GRIN2A: variants seen among roughly 807,000 people sequenced by gnomAD.
GRIN2A encodes the protein glutamate ionotropic receptor NMDA type subunit 2A, also known as glutamate receptor ionotropic, NMDA 2A.
GRIN2A carries 22 observed loss-of-function variants against 113.4 expected under a neutral mutation model. The observed-to-expected ratio is 0.19, with a 90% CI of 0.14 to 0.28. The LOEUF (loss-of-function observed/expected upper bound fraction) is 0.28. GRIN2A is among the 10% of genes least tolerant of loss of function. The pLI, the probability that GRIN2A is intolerant of heterozygous loss-of-function variation, is 1.00. For missense variants in GRIN2A, 1,502 were observed against 1,887.0 expected (o/e 0.80, Z 3.78); for synonymous variants, 827 against 738.4 (o/e 1.12, Z -1.94).
chr16:9,941,256 G>A (rs533767843), intron 2 of GRIN2A, among the ~76,000 whole-genome samples: 31 of 152,170 alleles, frequency 2.0e-4, no homozygotes, highest in South Asian at 6.2e-4. Flanking sequence ...TGGAATGTGG[G>A]ATCCTCCAAC....
chr16:9,764,702 A>G lies in GRIN2A; in HGVS notation c.2842T>C (p.Ser948Pro), dbSNP rs1232959576. ...AAAATGCTCTCTTTCCCCTGAAAGG[A>G]CCTGTTGTCTGAGTACATCAAATTC... ...KGNLMYSDNR[S>P]FQGKESIFGD... is the part of the protein sequence containing the mutation. Residue 948 changes from serine (S) to proline (P), a missense_variant, in exon 13 of 13, where the codon TCC becomes CCC. Around this residue, in one of 7 missense-constraint regions of GRIN2A, gnomAD observed 832 missense variants for 789.7 expected, o/e 1.05. Transcript: ENST00000330684. 6.2e-7 allele frequency: 1 copy of G among 1,614,174 alleles called. No individual in the cohort carries two copies. The highest frequency in any genetic ancestry group is 8.5e-7 in the Non-Finnish European group (1 of 1,180,024).
Position 10,180,407 on chromosome 16 carries a change from C to A in GRIN2A, c.5G>T (p.Gly2Val). The A allele has an allele frequency of 2.5e-6, 4 of 1,605,416 alleles. No homozygotes were observed. Among genetic ancestry groups the A allele is most frequent in the Non-Finnish European group, 3.4e-6 (4 of 1,179,734 alleles). M[G>V]RVGYWTLLVL... ...CAGCAGGGTCCAATAGCCCACTCTG[C>A]CCATAGTCGCCACTGACGGTCCCTG... The change falls in exon 2 of 13, where the codon GGC (glycine) becomes GTC (valine). Residue 2 changes from glycine (G) to valine (V), a missense_variant. Gly to Val is a moderately radical substitution (Grantham distance 109). Around this residue, in one of 7 missense-constraint regions of GRIN2A, gnomAD observed 149 missense variants for 179.1 expected, o/e 0.83. Transcript: ENST00000330684. The surrounding 1 kb of genome is among the most constrained non-coding windows in gnomAD (Gnocchi z 7.0).
At chr16:9,841,145 G>T (rs1351423443) in intron 5 of GRIN2A, 41 bp from the exon 6 acceptor site, 1 of 1,526,620 alleles carries the variant, frequency 6.6e-7, no homozygotes, top group East Asian at 2.3e-5. Flanking sequence ...GTTAGCACTG[G>T]AAGGTTTGTT....
At chr16:10,015,099 CA>C (rs2046577730) in intron 2 of GRIN2A, among the ~76,000 whole-genome samples, 1 of 151,134 alleles carries the variant, frequency 6.6e-6, no homozygotes, top group Non-Finnish European at 1.5e-5. Flanking sequence ...ACTAAAAGTA[CA>C]AAAATTAGCT....
chr16:9,835,973 C>G (rs565775250), intron 7 of GRIN2A, among the ~76,000 whole-genome samples: 1 of 152,194 alleles, frequency 6.6e-6, no homozygotes. Flanking sequence ...TCCAAGAAAT[C>G]AATGAAACTG....
chr16:10,120,658 A>C (rs562578068), intron 2 of GRIN2A, among the ~76,000 whole-genome samples: 1 of 152,278 alleles, frequency 6.6e-6, no homozygotes, highest in East Asian at 1.9e-4. Flanking sequence ...CTCCACATTA[A>C]AACACACAGG....
intron 2 of GRIN2A, among the ~76,000 whole-genome samples, chr16:10,140,903 G>T (rs1359816941): frequency 6.6e-6 from 1 of 152,166 alleles, no homozygotes; most frequent in East Asian, 1.9e-4. Flanking sequence ...CCTGAATAAA[G>T]TCAATACAGG....
chr16:10,054,365 T>A (rs2047409646), intron 2 of GRIN2A, among the ~76,000 whole-genome samples: 1 of 152,212 alleles, frequency 6.6e-6, no homozygotes, highest in Non-Finnish European at 1.5e-5. Context: ...TTTACATCTA[T>A]CATATAAGCA....
intron 10 of GRIN2A, among the ~76,000 whole-genome samples, chr16:9,803,735 A>G (rs2041911287): frequency 6.6e-6 from 1 of 152,138 alleles, no homozygotes; most frequent in Non-Finnish European, 1.5e-5. Flanking sequence ...TGAGCAGTAA[A>G]GTGACTCAGC....
At chr16:9,919,068 G>A (rs569322477) in intron 3 of GRIN2A, among the ~76,000 whole-genome samples, 1 of 152,238 alleles carries the variant, frequency 6.6e-6, no homozygotes, top group South Asian at 2.1e-4. Context: ...AGCTCCTCAG[G>A]AGGCCGAGGC....
At chr16:10,156,320 T>C (rs560702368) in intron 2 of GRIN2A, among the ~76,000 whole-genome samples, 3 of 152,192 alleles carry the variant, frequency 2.0e-5, no homozygotes, top group Non-Finnish European at 2.9e-5. Flanking sequence ...GAATATAAAT[T>C]TTAAAAACCC....
chr16:10,032,642 G>T (rs1411842469), intron 2 of GRIN2A, among the ~76,000 whole-genome samples: 1 of 152,154 alleles, frequency 6.6e-6, no homozygotes, highest in African/African-American at 2.4e-5. Flanking sequence ...CAAGGAAAAT[G>T]AAAACTTTCC....
chr16:10,110,258 G>A (rs933895506), intron 2 of GRIN2A, among the ~76,000 whole-genome samples: 1 of 152,202 alleles, frequency 6.6e-6, no homozygotes, highest in Non-Finnish European at 1.5e-5. Flanking sequence ...AAGTTGAATG[G>A]AAACCATTTG....
At chr16:9,965,268 C>T (rs926494134) in intron 2 of GRIN2A, among the ~76,000 whole-genome samples, 9 of 152,168 alleles carry the variant, frequency 5.9e-5, no homozygotes, top group South Asian at 2.1e-4. Context: ...CCCTCTGTGC[C>T]GTATCAACCA....
At chr16:9,934,038 G>C (rs949977833) in intron 3 of GRIN2A, among the ~76,000 whole-genome samples, 6 of 152,196 alleles carry the variant, frequency 3.9e-5, no homozygotes, top group African/African-American at 1.2e-4. Context: ...GAGAGAACAG[G>C]AGAAAACTGG....
chr16:10,148,868 A>G (rs1206382463), intron 2 of GRIN2A, among the ~76,000 whole-genome samples: 1 of 152,250 alleles, frequency 6.6e-6, no homozygotes, highest in Non-Finnish European at 1.5e-5. Context: ...ATATATACAC[A>G]ATGGAGTACT....
chr16:10,176,593 G>A (rs1346392914), intron 2 of GRIN2A, among the ~76,000 whole-genome samples: 3 of 150,146 alleles, frequency 2.0e-5, no homozygotes, highest in African/African-American at 7.3e-5. Context: ...GCAAACTAAC[G>A]CAAGGACAAA....
At chr16:10,000,281 G>C (rs3105692) in intron 2 of GRIN2A, among the ~76,000 whole-genome samples, 102,123 of 152,026 alleles carry the variant, frequency 0.67, 34,631 homozygotes, top group Non-Finnish European at 0.71. Context: ...AGTCCTTCTC[G>C]TACCACATGT....
chr16:9,815,848 A>C (rs1019077003), intron 10 of GRIN2A, among the ~76,000 whole-genome samples: 2 of 152,266 alleles, frequency 1.3e-5, no homozygotes, highest in East Asian at 3.8e-4. Context: ...CAAAATAGTT[A>C]AAATGCTGAG....
Sources: allele counts gnomAD v4.1 joint callset (sites outside exome capture counted in the v4.1 genomes callset), GRCh38; gene constraint gnomAD v4.1.1; regional missense constraint gnomAD v4.1.1; non-coding constraint Gnocchi (gnomAD v3.1); transcripts MANE v1.5; gene names NCBI Gene and HGNC (gene_info 2026-07-23, HGNC 2026-07-21).